PTPRD: variants seen among roughly 807,000 people sequenced by gnomAD.
PTPRD encodes receptor-type tyrosine-protein phosphatase delta.
PTPRD carries 34 observed loss-of-function variants against 214.5 expected under a neutral mutation model. The observed-to-expected ratio is 0.16, with a 90% confidence interval of 0.12 to 0.21. PTPRD has a LOEUF of 0.21. PTPRD is among the 10% of genes least tolerant of loss of function. PTPRD has a pLI of 1.00. For synonymous variants in PTPRD, 1,128 were observed against 845.7 expected (o/e 1.33, Z -5.79); for missense variants, 2,545 against 2,398.7 (o/e 1.06, Z -1.27).
chr9:9,479,756 C>G (rs1212554444), intron 8 of PTPRD, among the ~76,000 whole-genome samples: 3 of 151,722 alleles, frequency 2.0e-5, no homozygotes, highest in Non-Finnish European at 4.4e-5. Context: ...CAAAACAAAA[C>G]AAAAAACTCT....
At chr9:8,894,355 CAAAA>C (rs34776407) in intron 11 of PTPRD, among the ~76,000 whole-genome samples, 3 of 74,460 alleles carry the variant, frequency 4.0e-5, no homozygotes, top group South Asian at 5.0e-4. Flanking sequence ...GACTCCATCT[CAAAA>C]AAAAAAAAAA....
chr9:8,752,363 C>T (rs1004038681), intron 11 of PTPRD, among the ~76,000 whole-genome samples: 1 of 152,082 alleles, frequency 6.6e-6, no homozygotes, highest in Non-Finnish European at 1.5e-5. Context: ...GATGCCATGG[C>T]AACATCAGGA....
rs563530477 is a variant in PTPRD, at chr9:9,416,956, G to A, written c.-236-19474C>T. On this transcript the variant is annotated intron_variant, in intron 8 of 45. Coordinates refer to ENST00000381196, the MANE Select transcript of PTPRD (RefSeq NM_002839.4). ...TTTCACAATATAAATTGTGTCTGCT[G>A]CACTCATAGTTAATCTGGGTTTCTA... Among the ~76,000 whole-genome samples the A allele has an allele frequency of 1.4e-4, 21 of 152,148 alleles. No homozygotes were observed. In the South Asian group the frequency reaches 3.9e-3, roughly 29 times the overall value.
intron 14 of PTPRD, among the ~76,000 whole-genome samples, chr9:8,581,772 AG>A (rs1382003127): frequency 7.1e-6 from 1 of 139,990 alleles, no homozygotes; most frequent in Non-Finnish European, 1.5e-5. Context: ...AAGAAAGGGA[AG>A]GGAAGGGAAG....
At chr9:9,327,831 C>G (rs780834923) in intron 9 of PTPRD, among the ~76,000 whole-genome samples, 1 of 151,582 alleles carries the variant, frequency 6.6e-6, no homozygotes, top group Non-Finnish European at 1.5e-5. Context: ...TTTGGCTTCC[C>G]TGGGCCACGT....
At chr9:9,475,936 G>C (rs1019758957) in intron 8 of PTPRD, among the ~76,000 whole-genome samples, 7 of 152,114 alleles carry the variant, frequency 4.6e-5, no homozygotes, top group African/African-American at 1.7e-4. Flanking sequence ...ACACATTGTA[G>C]GGATTATCAT....
chr9:8,824,753 G>C (rs989300236), intron 11 of PTPRD, among the ~76,000 whole-genome samples: 2 of 151,840 alleles, frequency 1.3e-5, no homozygotes, highest in South Asian at 2.1e-4. Flanking sequence ...GGTTTTTTTT[G>C]AGCAGCAGTT....
At chr9:10,366,279 C>T (rs1342856712) in intron 2 of PTPRD, among the ~76,000 whole-genome samples, 2 of 152,154 alleles carry the variant, frequency 1.3e-5, no homozygotes, top group Admixed American at 6.5e-5. Flanking sequence ...CAATAGCAAA[C>T]ATTATTTTCT....
chr9:8,829,707 G>C (rs2097250729), intron 11 of PTPRD, among the ~76,000 whole-genome samples: 1 of 152,058 alleles, frequency 6.6e-6, no homozygotes. Context: ...TCATCCTCTA[G>C]AGATATATTT....
intron 39 of PTPRD, among the ~76,000 whole-genome samples, chr9:8,354,179 CT>C (rs2076392678): frequency 1.3e-5 from 2 of 151,602 alleles, no homozygotes; most frequent in Non-Finnish European, 2.9e-5. Flanking sequence ...ACTCCTTATT[CT>C]TTTTTTCACT....
intron 6 of PTPRD, among the ~76,000 whole-genome samples, chr9:9,740,124 A>T (rs2154449447): frequency 6.6e-6 from 1 of 152,294 alleles, no homozygotes; most frequent in African/African-American, 2.4e-5. Flanking sequence ...ATTATATTGT[A>T]AAATTATATA....
intron 3 of PTPRD, among the ~76,000 whole-genome samples, chr9:10,300,837 GC>G (rs2095842105): frequency 6.6e-6 from 1 of 152,086 alleles, no homozygotes; most frequent in Non-Finnish European, 1.5e-5. Context: ...TGTGGGTGCA[GC>G]TTCAGCAGAC....
chr9:9,017,221 T>C (rs1013962537), intron 11 of PTPRD, among the ~76,000 whole-genome samples: 1 of 152,076 alleles, frequency 6.6e-6, no homozygotes, highest in East Asian at 1.9e-4. Flanking sequence ...CTTTTCCAAG[T>C]GCTGCTAAAA....
chr9:9,522,417 C>G (rs1226915768), intron 8 of PTPRD, among the ~76,000 whole-genome samples: 1 of 152,060 alleles, frequency 6.6e-6, no homozygotes, highest in Non-Finnish European at 1.5e-5. Context: ...AAACATAACC[C>G]ATTTAACCAG....
chr9:8,528,236 G>C, intron 15 of PTPRD: 1 of 428,286 alleles, frequency 2.3e-6, no homozygotes, highest in Non-Finnish European at 4.1e-6. Context: ...GTCCAATGTT[G>C]AAATAAATTT....
intron 35 of PTPRD, among the ~76,000 whole-genome samples, chr9:8,423,915 A>G (rs1394416390): frequency 1.3e-5 from 2 of 152,146 alleles, no homozygotes; most frequent in African/African-American, 2.4e-5. Flanking sequence ...CTGATGAATT[A>G]TTTCTAGCCC....
chr9:8,839,278 A>G (rs2097506901), intron 11 of PTPRD, among the ~76,000 whole-genome samples: 1 of 151,832 alleles, frequency 6.6e-6, no homozygotes, highest in Non-Finnish European at 1.5e-5. Context: ...CTAGATGATA[A>G]TTTTCAGATT....
At chr9:10,390,312 T>C (rs962274548) in intron 2 of PTPRD, among the ~76,000 whole-genome samples, 2 of 151,864 alleles carry the variant, frequency 1.3e-5, no homozygotes, top group South Asian at 4.1e-4. Context: ...CATTTCATTA[T>C]AATCAATACA....
chr9:10,370,292 T>C (rs997854326), intron 2 of PTPRD, among the ~76,000 whole-genome samples: 1 of 152,114 alleles, frequency 6.6e-6, no homozygotes, highest in African/African-American at 2.4e-5. Flanking sequence ...TTAGAACGCA[T>C]GTTCACAAGC....
Sources: gnomAD v4.1 joint callset for allele counts (sites outside exome capture counted in the v4.1 genomes callset) on GRCh38, gnomAD v4.1.1 for gene constraint, MANE v1.5 for transcripts, NCBI Gene and HGNC (gene_info 2026-07-23, HGNC 2026-07-21) for gene names.